DAB1: variants seen among roughly 807,000 people sequenced by gnomAD.
DAB1 encodes DAB adaptor protein 1, also known as disabled homolog 1.
In DAB1, 15 loss-of-function variants were observed where a neutral mutation model predicts 64.6. The ratio of observed to expected loss-of-function variants is 0.23; its 90% confidence interval spans 0.16 to 0.36. The LOEUF (loss-of-function observed/expected upper bound fraction) is 0.36, where lower values mean the gene tolerates loss of function less well. DAB1 is among the 10% of genes least tolerant of loss of function. DAB1 has a pLI of 1.00. For missense variants in DAB1, 596 were observed against 706.7 expected (o/e 0.84, Z 1.78); for synonymous variants, 235 against 251.9 (o/e 0.93, Z 0.64).
intron 6 of DAB1, among the ~76,000 whole-genome samples, chr1:57,805,266 T>C (rs1458273994): frequency 6.6e-6 from 1 of 152,210 alleles, no homozygotes; most frequent in African/African-American, 2.4e-5. Flanking sequence ...AATATATAAG[T>C]ATTTCAAGGT....
chr1:58,109,253 G>A (rs1416347), intron 5 of DAB1, among the ~76,000 whole-genome samples: 22,987 of 152,158 alleles, frequency 0.15, 2,115 homozygotes, highest in East Asian at 0.4. Context: ...CACATGTTTT[G>A]TGAGCATATG....
chr1:58,341,374 G>A (rs1402090921), intron 4 of DAB1, among the ~76,000 whole-genome samples: 2 of 152,102 alleles, frequency 1.3e-5, no homozygotes, highest in Non-Finnish European at 2.9e-5. Context: ...GCAAAACTTG[G>A]ACTGAAACCC....
intron 3 of DAB1, among the ~76,000 whole-genome samples, chr1:58,349,762 T>C (rs1644033959): frequency 6.6e-6 from 1 of 152,184 alleles, no homozygotes; most frequent in Non-Finnish European, 1.5e-5. Flanking sequence ...TCCAGCTTCA[T>C]CCATGTCCCT....
chr1:58,480,453 G>A (rs1027504753), intron 3 of DAB1, among the ~76,000 whole-genome samples: 1 of 152,084 alleles, frequency 6.6e-6, no homozygotes, highest in African/African-American at 2.4e-5. Flanking sequence ...GCTTCTGCCA[G>A]TAGCATTTTC....
chr1:58,037,715 T>A (rs955805047), intron 5 of DAB1, among the ~76,000 whole-genome samples: 2 of 152,122 alleles, frequency 1.3e-5, no homozygotes, highest in African/African-American at 2.4e-5. Flanking sequence ...ACTGCTGCCT[T>A]ATGGGATTAG....
chr1:57,848,618 T>C (rs1426552085), intron 1 of DAB1, among the ~76,000 whole-genome samples: 2 of 152,286 alleles, frequency 1.3e-5, no homozygotes, highest in Non-Finnish European at 2.9e-5. Flanking sequence ...TTATATCACA[T>C]GAGTTACCAA....
intron 4 of DAB1, among the ~76,000 whole-genome samples, chr1:57,087,831 C>A (rs927082158): frequency 2.6e-5 from 4 of 152,172 alleles, no homozygotes; most frequent in Admixed American, 2.6e-4. Context: ...TATCTAGCCA[C>A]CTATCTTTAA....
rs781014217 is a variant in DAB1, at chr1:58,205,617, C to T, written n.310-55029G>A. On this transcript the variant is annotated intron_variant and non_coding_transcript_variant, in intron 4 of 20. Coordinates refer to the DAB1 transcript ENST00000485760. ...TAAAAAATATCAAATTAAATGACTC[C>T]TTTGTAGCCGAGTGCTTTTGTTTTC... Among the ~76,000 whole-genome samples the T allele has an allele frequency of 1.7e-4, 26 of 152,310 alleles. No homozygotes were observed. The Middle Eastern group carries it at 0.017, about 100-fold the overall frequency.
chr1:58,113,608 C>T (rs895922373), intron 5 of DAB1, among the ~76,000 whole-genome samples: 10 of 151,706 alleles, frequency 6.6e-5, no homozygotes, highest in Non-Finnish European at 8.8e-5. Context: ...TTTTTGTAAA[C>T]GAAGAGCTAA....
At chr1:57,740,212 T>A (rs1647920476) in intron 6 of DAB1, among the ~76,000 whole-genome samples, 1 of 152,148 alleles carries the variant, frequency 6.6e-6, no homozygotes, top group South Asian at 2.1e-4. Flanking sequence ...AGATTCTGTC[T>A]CAAAAATAAT....
chr1:57,151,545 C>T (rs1659666213), intron 2 of DAB1, among the ~76,000 whole-genome samples: 1 of 152,076 alleles, frequency 6.6e-6, no homozygotes, highest in Admixed American at 6.5e-5. Flanking sequence ...GGAATTGATT[C>T]AGAGTAATTC....
chr1:57,863,497 T>C (rs1654160313), intron 1 of DAB1, among the ~76,000 whole-genome samples: 1 of 152,192 alleles, frequency 6.6e-6, no homozygotes, highest in Non-Finnish European at 1.5e-5. Flanking sequence ...AAGATGGCCC[T>C]GTAGTCCAGT....
intron 5 of DAB1, among the ~76,000 whole-genome samples, chr1:58,116,926 TG>T (rs927298354): frequency 6.6e-6 from 1 of 152,178 alleles, no homozygotes; most frequent in Admixed American, 6.5e-5. Flanking sequence ...AAATCCTAAA[TG>T]ACTTTATAAA....
chr1:57,456,667 A>G (rs1285323908), intron 7 of DAB1, among the ~76,000 whole-genome samples: 1 of 152,170 alleles, frequency 6.6e-6, no homozygotes, highest in Non-Finnish European at 1.5e-5. Context: ...CAAGGTAGTA[A>G]CAAAAAGTAT....
chr1:57,143,607 G>C (rs1056798930), intron 3 of DAB1, among the ~76,000 whole-genome samples: 17 of 152,072 alleles, frequency 1.1e-4, no homozygotes, highest in Non-Finnish European at 1.8e-4. Flanking sequence ...TGAATATCCA[G>C]TGTAGAAAAT....
chr1:57,362,599 C>G (rs949238076), intron 1 of DAB1, among the ~76,000 whole-genome samples: 2 of 152,058 alleles, frequency 1.3e-5, no homozygotes, highest in Non-Finnish European at 2.9e-5. Flanking sequence ...GATTAGTCCC[C>G]TTATAAAAGA....
At chr1:58,148,582 G>A (rs1654741573) in intron 5 of DAB1, among the ~76,000 whole-genome samples, 2 of 151,992 alleles carry the variant, frequency 1.3e-5, no homozygotes, top group African/African-American at 4.8e-5. Context: ...TAATTTACAA[G>A]GAAAAAAAGG....
intron 5 of DAB1, among the ~76,000 whole-genome samples, chr1:57,910,319 A>G (rs1182366831): frequency 6.6e-6 from 1 of 152,154 alleles, no homozygotes; most frequent in East Asian, 1.9e-4. Flanking sequence ...AGTGTATACA[A>G]AGAACAAGAT....
intron 2 of DAB1, among the ~76,000 whole-genome samples, chr1:57,209,710 A>G (rs1048312019): frequency 4.6e-5 from 7 of 152,214 alleles, no homozygotes; most frequent in African/African-American, 1.4e-4. Context: ...GCAACTGCAA[A>G]GTGAGAGAAA....
Sources: allele counts gnomAD v4.1 joint callset (sites outside exome capture counted in the v4.1 genomes callset), GRCh38; gene constraint gnomAD v4.1.1; transcripts MANE v1.5; gene names NCBI Gene and HGNC (gene_info 2026-07-23, HGNC 2026-07-21).